The following TFDP1 variants were observed in gnomAD, a reference collection of about 807,000 sequenced individuals.
The protein encoded by TFDP1 is transcription factor Dp-1.
A neutral mutation model predicts 48.0 loss-of-function variants in TFDP1; 6 were observed. The ratio of observed to expected loss-of-function variants is 0.13; its 90% CI spans 0.07 to 0.25. The LOEUF (loss-of-function observed/expected upper bound fraction) is 0.25. Ranked by LOEUF, TFDP1 falls within the 10% of genes least tolerant of loss-of-function variation. The pLI is 1.00. For synonymous variants in TFDP1, 201 were observed against 211.6 expected, an observed-to-expected ratio of 0.95 and a Z score of 0.44; for missense variants, 335 against 543.0, an observed-to-expected ratio of 0.62 and a Z score of 3.81.
At chr13:113,631,923 A>G (rs952767116) in intron 5 of TFDP1, 179 bp downstream of exon 5, 237 of 816,934 alleles carry the variant, frequency 2.9e-4, no homozygotes, top group Middle Eastern at 2.4e-4. Context: ...GCCGAGGCGC[A>G]CTGCCTCGGT....
intron 10 of TFDP1, 24 bp downstream of exon 10, chr13:113,636,724 G>A (rs1170455067): frequency 1.2e-6 from 2 of 1,607,436 alleles, no homozygotes; most frequent in East Asian, 2.2e-5. Context: ...AGACAACCTG[G>A]CGTGGCTGTG....
intron 2 of TFDP1, among the ~76,000 whole-genome samples, chr13:113,600,464 A>ACG (rs2140330569): frequency 2.2e-5 from 1 of 46,124 alleles, no homozygotes; most frequent in Middle Eastern, 0.024. Flanking sequence ...CCAGGACTGC[A>ACG]AGAGAGAACC....
intron 2 of TFDP1, among the ~76,000 whole-genome samples, chr13:113,608,428 TGCAGGCGGGAGG>T (rs2048622622): frequency 6.6e-6 from 1 of 152,172 alleles, no homozygotes. Flanking sequence ...GCCCTGGCTG[TGCAGGCGGGAGG>T]GCAGTCATCC....
intron 2 of TFDP1, among the ~76,000 whole-genome samples, chr13:113,609,147 G>A (rs147899569): frequency 2.6e-5 from 4 of 152,336 alleles, no homozygotes; most frequent in East Asian, 1.9e-4. Context: ...GCCTCAGAGC[G>A]CCTCCTGGGT....
rs2049389763 is a variant in TFDP1, at chr13:113,633,406, G to T, written c.474+121G>T. On this transcript the variant is annotated intron_variant, in intron 6 of 11. Coordinates refer to ENST00000375370, the MANE Select transcript of TFDP1 (RefSeq NM_007111.5). The surrounding 1 kb of genome is among the most constrained non-coding windows in gnomAD (Gnocchi z 4.5). ...AGAAAATGCCAAGTACAGCATAAAA[G>T]AATTTTTACCAAACGAGTCAGTAAG... 1.4e-5 allele frequency: 14 copies of T among 1,023,078 alleles called. No homozygotes were observed. The South Asian group carries it at 2.2e-4, about 16-fold the overall frequency. 63.4% of individuals were successfully genotyped at this position (1,023,078 alleles called of 1,614,324 possible).
At position 113,593,269 on chromosome 13, in the gene TFDP1, G is replaced by A. The variant is rs564759650; in HGVS notation, c.12+7420G>A. Among the ~76,000 whole-genome samples the A allele has an allele frequency of 5.6e-5, 8 of 143,824 alleles. No individual in the cohort carries two copies. The East Asian group carries it at 1.1e-3, about 19-fold the overall frequency. 94.4% of individuals were successfully genotyped at this position (143,824 alleles called of 152,430 possible). On this transcript the variant is annotated intron_variant, in intron 2 of 11. Coordinates refer to ENST00000375370, the MANE Select transcript of TFDP1 (RefSeq NM_007111.5). The stretch of plus-strand genomic sequence containing the variant: ...CCTCAGCTATACACAGGTGTCAGGC[G>A]TGATGCGTGTGGGTCCTCAGCCCTG...
Position 113,637,888 on chromosome 13 carries a change from C to T in TFDP1, c.1077C>T (p.Phe359=), listed in dbSNP as rs1594544827. The T allele has an allele frequency of 2.5e-6, 4 of 1,613,306 alleles. No individual in the cohort carries two copies. The highest frequency in any genetic ancestry group is 3.4e-6 in the Non-Finnish European group (4 of 1,179,938). The change falls in exon 11 of 12, where the codon TTC becomes TTT. Residue 359 remains phenylalanine, a synonymous_variant. Coordinates refer to ENST00000375370, the MANE Select transcript of TFDP1 (RefSeq NM_007111.5). ...GTTCCACGTCTAACGGCACAAGGTT[C>T]TCTGCCAGGTGACAGTCGTTGAGGG... ...TAGSTSNGTR[F]SASDLTNGAD...
chr13:113,613,301 A>G (rs935660355), intron 3 of TFDP1, among the ~76,000 whole-genome samples: 7 of 152,218 alleles, frequency 4.6e-5, no homozygotes, highest in East Asian at 1.9e-4. Flanking sequence ...GGCGGGAGCC[A>G]CTGCACCCGG....
intron 2 of TFDP1, among the ~76,000 whole-genome samples, chr13:113,606,535 C>T (rs1039714466): frequency 1.3e-5 from 2 of 151,980 alleles, no homozygotes; most frequent in Admixed American, 6.5e-5. Context: ...TTCCAAATAC[C>T]GTCCCAAGCA....
chr13:113,598,672 C>G lies in TFDP1; in HGVS notation c.13-12324C>G, dbSNP rs540742598. Among the ~76,000 whole-genome samples the G allele has an allele frequency of 6.6e-6, 1 of 152,342 alleles. No homozygotes were observed. The highest frequency in any genetic ancestry group is 2.4e-5 in the African/African-American group (1 of 41,574). ...AGGACCTGGGGTTCGTGTTGCCCTC[C>G]TGGGTGGAGTCTGCGTCCCCCTTTC... On this transcript the variant is annotated intron_variant, in intron 2 of 11. Transcript: ENST00000375370. This position sits in a 1 kb window ranked among gnomAD's most constrained non-coding sequence, Gnocchi z 4.2.
At position 113,633,516 on chromosome 13, in the gene TFDP1, C is replaced by T. The variant is rs1594531374; in HGVS notation, c.474+231C>T. Reference sequence around the variant, plus strand: ...TTTTAATATCGGGAACAGTTAAAACCATACAGAAAATGCCAAGTACAGCAT... The same window carrying T: ...TTTTAATATCGGGAACAGTTAAAACTATACAGAAAATGCCAAGTACAGCAT... On this transcript the variant is annotated intron_variant, in intron 6 of 11. Transcript: ENST00000375370. This position sits in a 1 kb window ranked among gnomAD's most constrained non-coding sequence, Gnocchi z 4.5. Among the ~76,000 whole-genome samples the T allele has an allele frequency of 1.3e-5, 2 of 152,318 alleles. No individual in the cohort carries two copies. Among genetic ancestry groups the T allele is most frequent in the Middle Eastern group, 6.8e-3 (2 of 294 alleles).
At chr13:113,635,949 G>T in intron 8 of TFDP1, 28 bp from the exon 9 acceptor site, 1 of 1,606,856 alleles carries the variant, frequency 6.2e-7, no homozygotes, top group Non-Finnish European at 8.5e-7. Flanking sequence ...GCCGCCACGG[G>T]CCACCTGGCT....
chr13:113,631,771 A>G lies in TFDP1; in HGVS notation c.308+27A>G, dbSNP rs140743142. The stretch of plus-strand genomic sequence containing the variant: ...TGAGCACTTCCCTCTGGACCCTTAG[A>G]GTTGTAGGACTGCTTGCGGTTCGCA... On this transcript the variant is annotated intron_variant, in intron 5 of 11. Transcript: ENST00000375370. 88 of 1,612,450 alleles carry G rather than the reference A, an allele frequency of 5.5e-5. No homozygotes were observed. The African/African-American group carries it at 9.5e-4, about 17-fold the overall frequency.
Position 113,601,429 on chromosome 13 carries a change from G to T in TFDP1, c.13-9567G>T, listed in dbSNP as rs563630114. 2.8e-4 allele frequency among the ~76,000 whole-genome samples: 37 copies of T among 132,030 alleles called. No individual in the cohort carries two copies. The Middle Eastern group carries it at 0.025, about 88-fold the overall frequency. The allele number at this position is 132,030 out of a possible 152,430, so 86.6% of individuals were successfully genotyped here. A position where few individuals can be genotyped will look rare whatever the true frequency, so the allele number is the denominator to read the frequency against. ...TGTGGGCCCCTGCGTAGGGCAGCTCGCTGGTGGCTTCCTCAGGGTGAGCCA... is the reference window on the plus strand; with the variant it reads ...TGTGGGCCCCTGCGTAGGGCAGCTCTCTGGTGGCTTCCTCAGGGTGAGCCA... On this transcript the variant is annotated intron_variant, in intron 2 of 11. Coordinates refer to ENST00000375370, the MANE Select transcript of TFDP1 (RefSeq NM_007111.5).
At chr13:113,609,115 C>T (rs1477308568) in intron 2 of TFDP1, among the ~76,000 whole-genome samples, 1 of 152,246 alleles carries the variant, frequency 6.6e-6, no homozygotes, top group African/African-American at 2.4e-5. Context: ...GGGCCTGTGC[C>T]GGTGCTGTGT....
At chr13:113,614,409 T>C (rs2048806466) in intron 3 of TFDP1, among the ~76,000 whole-genome samples, 1 of 152,176 alleles carries the variant, frequency 6.6e-6, no homozygotes, top group South Asian at 2.1e-4. Flanking sequence ...TTGCAGCTGC[T>C]TTTTGAGTTG....
At position 113,617,611 on chromosome 13, in the gene TFDP1, T is replaced by TTCACCTGCAGAGCCGC. The variant is rs1171045647; in HGVS notation, c.80-5507_80-5492dup. On this transcript the variant is annotated intron_variant, in intron 3 of 11. Transcript: ENST00000375370. ...GCAGAGCCCTTCACCTGCAGAACCC[T>TTCACCTGCAGAGCCGC]TCACCTGCAGAGCCGCTCACCTGCA... is the stretch of plus-strand genomic sequence containing the variant. 1.5e-3 allele frequency among the ~76,000 whole-genome samples: 160 copies of TTCACCTGCAGAGCCGC among 109,802 alleles called. 3 individuals carry two copies. The highest frequency in any genetic ancestry group is 0.012 in the East Asian group (44 of 3,684). 72.0% of individuals were successfully genotyped at this position (109,802 alleles called of 152,430 possible).
intron 3 of TFDP1, among the ~76,000 whole-genome samples, chr13:113,621,266 ATGT>A (rs1198242288): frequency 2.0e-5 from 3 of 152,014 alleles, no homozygotes; most frequent in East Asian, 1.9e-4. Context: ...TTCTTTCCTG[ATGT>A]TGTTGTGACC....
intron 2 of TFDP1, chr13:113,586,229 T>A (rs927008441): frequency 1.2e-5 from 2 of 169,136 alleles, no homozygotes; most frequent in African/African-American, 4.8e-5. Context: ...CATGAGACGC[T>A]GGACGGGGGC....
Sources: gnomAD v4.1 joint callset for allele counts (sites outside exome capture counted in the v4.1 genomes callset) on GRCh38, gnomAD v4.1.1 for gene constraint, Gnocchi (gnomAD v3.1) non-coding constraint, MANE v1.5 for transcripts, NCBI Gene and HGNC (gene_info 2026-07-23, HGNC 2026-07-21) for gene names.